Variants in LRBA observed in about 807,000 individuals in gnomAD.
LRBA encodes the protein LPS responsive beige-like anchor protein.
In LRBA, 176 loss-of-function variants were observed where a neutral mutation model predicts 330.0. The ratio of observed to expected loss-of-function variants is 0.53; its 90% CI spans 0.47 to 0.60. LRBA has a LOEUF of 0.60. Among genes scored for constraint, LRBA ranks in the 20% least tolerant of loss-of-function variants. The probability of loss-of-function intolerance (pLI) is 0.00; values close to 1 mark genes in which losing one functional copy is unlikely to be tolerated. For synonymous variants in LRBA, 1,230 were observed against 1,193.0 expected (o/e 1.03, Z -0.64); for missense variants, 3,259 against 3,444.8 (o/e 0.95, Z 1.35).
At chr4:150,315,504 C>T in intron 51 of LRBA, 57 bp downstream of exon 51, 3 of 1,402,928 alleles carry the variant, frequency 2.1e-6, no homozygotes, top group South Asian at 2.3e-5. Context: ...GTAATCTACA[C>T]TTCAGGGCCA....
chr4:150,983,516 C>T (rs903680332), intron 2 of LRBA, among the ~76,000 whole-genome samples: 3 of 147,816 alleles, frequency 2.0e-5, no homozygotes, highest in East Asian at 4.0e-4. Flanking sequence ...TGCAGTGGCA[C>T]GATCTCAGCT....
At chr4:150,592,660 G>T (rs10011917) in intron 38 of LRBA, among the ~76,000 whole-genome samples, 107,947 of 152,098 alleles carry the variant, frequency 0.71, 45,090 homozygotes, top group Non-Finnish European at 0.91. Context: ...TTTGAGACAG[G>T]ATCCTGCTCT....
chr4:150,929,001 C>A lies in LRBA; in HGVS notation c.281G>T (p.Cys94Phe), dbSNP rs771839194. 46 of 1,613,382 alleles carry A rather than the reference C, an allele frequency of 2.9e-5. No homozygotes were observed. The highest frequency in any genetic ancestry group is 3.8e-5 in the Non-Finnish European group (45 of 1,179,938). The change falls in exon 3 of 57, where the codon TGC (cysteine) becomes TTC (phenylalanine). Residue 94 changes from cysteine to phenylalanine, a missense_variant. By Grantham distance (205) the Cys-to-Phe change is radical. Transcript: ENST00000651943. ...FIIQEGESIN[C>F]MVDLLEKCDI... ...ACATTTTTCCAGTAGGTCCACCATG[C>A]AGTTAATACTCTCACCTTCTTGGAT...
At chr4:150,709,769 T>A (rs541607857) in intron 36 of LRBA, among the ~76,000 whole-genome samples, 1 of 152,104 alleles carries the variant, frequency 6.6e-6, no homozygotes, top group Admixed American at 6.6e-5. Context: ...TTAAGTGCTA[T>A]GAGATATTAT....
chr4:150,985,749 C>T (rs915437128), intron 2 of LRBA, among the ~76,000 whole-genome samples: 1 of 152,092 alleles, frequency 6.6e-6, no homozygotes, highest in Non-Finnish European at 1.5e-5. Context: ...CCGCCCGCCT[C>T]GGCCTCCCAA....
chr4:150,498,427 GTATT>G (rs1759838804), intron 40 of LRBA, among the ~76,000 whole-genome samples: 1 of 152,036 alleles, frequency 6.6e-6, no homozygotes, highest in African/African-American at 2.4e-5. Context: ...AACAAAGAAG[GTATT>G]TATTTATCTT....
intron 28 of LRBA, among the ~76,000 whole-genome samples, chr4:150,843,385 A>G (rs1442671727): frequency 1.3e-5 from 2 of 152,230 alleles, no homozygotes; most frequent in Non-Finnish European, 2.9e-5. Flanking sequence ...ATATTTACTA[A>G]TGATAATATT....
chr4:150,708,189 T>C (rs1785823523), intron 36 of LRBA, among the ~76,000 whole-genome samples: 2 of 151,716 alleles, frequency 1.3e-5, no homozygotes, highest in Admixed American at 6.6e-5. Flanking sequence ...TAATTGAATT[T>C]CCCTCAGTTA....
chr4:150,954,797 A>C (rs1189935774), intron 2 of LRBA, among the ~76,000 whole-genome samples: 1 of 143,100 alleles, frequency 7.0e-6, no homozygotes, highest in African/African-American at 2.8e-5. Flanking sequence ...TTAAAAAAAA[A>C]AGAACCTAGA....
intron 47 of LRBA, among the ~76,000 whole-genome samples, chr4:150,388,176 C>T (rs1743360873): frequency 1.3e-5 from 2 of 152,354 alleles, no homozygotes; most frequent in Admixed American, 1.3e-4. Flanking sequence ...GTAACCCTTC[C>T]TCTTTCATAA....
chr4:150,909,485 G>A (rs1483499451), intron 9 of LRBA, among the ~76,000 whole-genome samples: 2 of 149,498 alleles, frequency 1.3e-5, no homozygotes, highest in Non-Finnish European at 3.0e-5. Context: ...ATATGGTCCC[G>A]TGTGTTTATG....
chr4:150,489,053 A>G (rs1234597202), intron 41 of LRBA, among the ~76,000 whole-genome samples: 3 of 114,630 alleles, frequency 2.6e-5, no homozygotes, highest in Non-Finnish European at 5.0e-5. Context: ...TATATTATAT[A>G]TAAGAATATA....
At chr4:150,331,127 T>C (rs1049108857) in intron 48 of LRBA, among the ~76,000 whole-genome samples, 7 of 152,172 alleles carry the variant, frequency 4.6e-5, no homozygotes, top group Admixed American at 1.3e-4. Flanking sequence ...ACTATAGTAG[T>C]AATTCTTAAG....
chr4:150,304,333 T>G (rs1206082754), intron 52 of LRBA, among the ~76,000 whole-genome samples: 2 of 152,168 alleles, frequency 1.3e-5, no homozygotes, highest in Non-Finnish European at 2.9e-5. Context: ...TAAGGCTTAT[T>G]ATGAAGGCTG....
chr4:150,448,088 C>T (rs1160174486), intron 44 of LRBA, among the ~76,000 whole-genome samples: 1 of 152,092 alleles, frequency 6.6e-6, no homozygotes, highest in Non-Finnish European at 1.5e-5. Context: ...AACCAGAGGT[C>T]CTTAAACAAA....
chr4:150,929,012 C>G lies in LRBA; in HGVS notation c.270G>C (p.Glu90Asp), dbSNP rs761129328. 1.9e-6 allele frequency: 3 copies of G among 1,613,538 alleles called. No individual in the cohort carries two copies. Among genetic ancestry groups the G allele is most frequent in the East Asian group, 2.2e-5 (1 of 44,854 alleles). ...LEMNFIIQEG[E>D]SINCMVDLLE... ...GTAGGTCCACCATGCAGTTAATACT[C>G]TCACCTTCTTGGATAATGAAATTCA... The change falls in exon 3 of 57, where the codon GAG becomes GAC. Residue 90 changes from glutamate to aspartate, a missense_variant. Glu to Asp is a conservative substitution (Grantham distance 45, BLOSUM62 2). Transcript: ENST00000651943.
chr4:150,846,279 C>A (rs1245831033), intron 26 of LRBA, among the ~76,000 whole-genome samples: 1 of 151,852 alleles, frequency 6.6e-6, no homozygotes, highest in Non-Finnish European at 1.5e-5. Context: ...ATCTGTAATC[C>A]CAGCACTTTG....
chr4:150,658,510 CCT>C (rs1433708504), intron 37 of LRBA, among the ~76,000 whole-genome samples: 103 of 660 alleles, frequency 0.16, 8 homozygotes, highest in Admixed American at 0.29. Flanking sequence ...TAAAAGTCTC[CCT>C]CTCCCTCTCC....
At chr4:150,542,210 C>T (rs1465129415) in intron 40 of LRBA, among the ~76,000 whole-genome samples, 1 of 152,184 alleles carries the variant, frequency 6.6e-6, no homozygotes, top group Non-Finnish European at 1.5e-5. Context: ...CCTCTGGTTT[C>T]CTGCAGGCAG....
Sources: gnomAD v4.1 joint callset for allele counts (sites outside exome capture counted in the v4.1 genomes callset) on GRCh38, gnomAD v4.1.1 for gene constraint, MANE v1.5 for transcripts, NCBI Gene and HGNC (gene_info 2026-07-23, HGNC 2026-07-21) for gene names.